DAB2: variants seen among roughly 807,000 people sequenced by gnomAD.
The protein encoded by DAB2 is DAB adaptor protein 2, also known as disabled homolog 2.
DAB2 carries 28 observed loss-of-function variants against 71.6 expected under a neutral mutation model. That is an observed-to-expected ratio of 0.39 (90% CI 0.29 to 0.54). The LOEUF (loss-of-function observed/expected upper bound fraction) is 0.54. Among genes scored for constraint, DAB2 ranks in the 20% least tolerant of loss-of-function variants. DAB2 has a pLI of 0.68. For missense variants in DAB2, 867 were observed against 928.8 expected, an observed-to-expected ratio of 0.93 and a Z score of 0.86; for synonymous variants, 345 against 339.7, an observed-to-expected ratio of 1.02 and a Z score of -0.17.
intron 1 of DAB2, among the ~76,000 whole-genome samples, chr5:39,404,251 G>A (rs540129644): frequency 2.7e-4 from 29 of 108,934 alleles, no homozygotes; most frequent in African/African-American, 9.6e-4. Context: ...TTGTGGGGTG[G>A]GGGGAGGGGG....
Position 39,376,876 on chromosome 5 carries a change from G to T in DAB2, c.1911C>A (p.Phe637Leu). 1.2e-6 allele frequency: 2 copies of T among 1,614,192 alleles called. No homozygotes were observed. The highest frequency in any genetic ancestry group is 8.5e-7 in the Non-Finnish European group (1 of 1,180,034). ...TATCCCCAAGTGGGTCTAAGGCAGT[G>T]AAGGCATCACTGGAGATGTCCTTGG... Reference protein sequence around the residue: ...GPPKDISSDAFTALDPLGDKE... With the variant: ...GPPKDISSDALTALDPLGDKE... The change falls in exon 12 of 15, where the codon TTC (phenylalanine) becomes TTA (leucine). Residue 637 changes from phenylalanine to leucine, a missense_variant. Phe to Leu is a conservative substitution (Grantham distance 22, BLOSUM62 0). Transcript: ENST00000320816.
intron 10 of DAB2, among the ~76,000 whole-genome samples, chr5:39,382,137 T>C (rs909280078): frequency 1.3e-5 from 2 of 152,174 alleles, no homozygotes; most frequent in African/African-American, 2.4e-5. Context: ...AGTAAATACA[T>C]AAGCTTAGAA....
Position 39,376,089 on chromosome 5 carries a change from G to A in DAB2, c.2155C>T (p.Pro719Ser). ...NKINEPPKPA[P>S]RQVSLPVTKS... The stretch of plus-strand genomic sequence containing the variant: ...GTAACTGGCAGGGAAACTTGTCTGG[G>A]AGCTGGCTTTGGTGGTTCTAGAAGG... Residue 719 changes from proline to serine, a missense_variant, in exon 13 of 15, where the codon CCC (proline) becomes TCC (serine). By Grantham distance (74) the Pro-to-Ser change is moderately conservative (BLOSUM62 -1). Transcript: ENST00000320816. The A allele has an allele frequency of 2.5e-6, 4 of 1,613,948 alleles. No homozygotes were observed. The highest frequency in any genetic ancestry group is 3.4e-6 in the Non-Finnish European group (4 of 1,179,910).
At chr5:39,392,782 G>A (rs1755266246) in intron 3 of DAB2, among the ~76,000 whole-genome samples, 2 of 152,166 alleles carry the variant, frequency 1.3e-5, no homozygotes, top group Non-Finnish European at 2.9e-5. Flanking sequence ...TATTTATTCA[G>A]TCAGTTTCAC....
intron 14 of DAB2, 167 bp downstream of exon 14, chr5:39,374,847 G>A (rs1367155301): frequency 2.8e-5 from 17 of 610,952 alleles, no homozygotes; most frequent in Non-Finnish European, 3.2e-5. Context: ...TAAGTGCCCA[G>A]CCTAGTCATT....
chr5:39,411,019 C>T (rs1018989717), intron 1 of DAB2, among the ~76,000 whole-genome samples: 2 of 152,062 alleles, frequency 1.3e-5, no homozygotes, highest in African/African-American at 4.8e-5. Flanking sequence ...CCAGAGTAAG[C>T]AGATGGGATA....
At chr5:39,414,545 G>C (rs568984338) in intron 1 of DAB2, among the ~76,000 whole-genome samples, 11 of 152,076 alleles carry the variant, frequency 7.2e-5, no homozygotes, top group South Asian at 4.1e-4. Context: ...ACAGATATAT[G>C]AGCAATGATG....
Position 39,422,989 on chromosome 5 carries a change from C to A in DAB2, c.-102+1815G>T, listed in dbSNP as rs1292477096. ...CTTACATCCTCAGGTAAAGATCAAC[C>A]ATCAAGATCAAAGATCCCCAGAATG... On this transcript the variant is annotated intron_variant, in intron 1 of 14. Transcript: ENST00000320816. This position sits in a 1 kb window ranked among gnomAD's most constrained non-coding sequence, Gnocchi z 4.1. Among the ~76,000 whole-genome samples, 2 of 152,118 alleles carry A rather than the reference C, an allele frequency of 1.3e-5. No individual in the cohort carries two copies. Among genetic ancestry groups the A allele is most frequent in the African/African-American group, 4.8e-5 (2 of 41,416 alleles).
In DAB2 at chr5:39,382,627, C is replaced by T. The variant is rs771297712; in HGVS notation, c.1332G>A (p.Arg444=). ...PQSTKPGRGR[R]TAKSSANDLL... is the part of the protein sequence containing the mutation. The stretch of plus-strand genomic sequence containing the variant: ...GGAGAAGACAATTCACCTTAGCAGT[C>T]CTTCTGCCTCTTCCTGGTTTGGTAC... The change falls in exon 10 of 15, where the codon AGG becomes AGA. Residue 444 remains arginine (R), a synonymous_variant. Transcript: ENST00000320816. 5 of 1,612,922 alleles carry T rather than the reference C, an allele frequency of 3.1e-6. No homozygotes were observed. In the Admixed American group the frequency reaches 5.0e-5, roughly 16 times the overall value.
intron 10 of DAB2, 120 bp downstream of exon 10, chr5:39,382,498 C>T (rs1036175742): frequency 2.7e-6 from 3 of 1,127,798 alleles, no homozygotes; most frequent in Non-Finnish European, 3.8e-6. Flanking sequence ...CCTTATCCCA[C>T]CTTCTATTTC....
chr5:39,395,391 T>TATACCGTGC (rs1391385491), intron 1 of DAB2, among the ~76,000 whole-genome samples: 1 of 152,178 alleles, frequency 6.6e-6, no homozygotes, highest in African/African-American at 2.4e-5. Context: ...ACAAAAGCCC[T>TATACCGTGC]CTTCATTCCG....
chr5:39,373,208 A>G lies in DAB2; in HGVS notation c.*223T>C, dbSNP rs1345979305. 1 of 152,350 alleles carries G rather than the reference A, an allele frequency of 6.6e-6. No homozygotes were observed. The highest frequency in any genetic ancestry group is 2.4e-5 in the African/African-American group (1 of 41,372). 9.4% of individuals were successfully genotyped at this position (152,350 alleles called of 1,614,324 possible). ...TTACACTTAAGCTAGAGAGTTTAGG[A>G]TCTTAATTTATTTAAAGCCATAGAT... On this transcript the variant is annotated 3_prime_UTR_variant, in exon 15 of 15. Transcript: ENST00000320816.
At chr5:39,417,091 G>T (rs1189993016) in intron 1 of DAB2, 1 of 151,926 alleles carries the variant, frequency 6.6e-6, no homozygotes, top group African/African-American at 2.4e-5. Context: ...TTTGTAAGTG[G>T]GAGTTGAATA....
chr5:39,396,750 G>A (rs2548189), intron 1 of DAB2, among the ~76,000 whole-genome samples: 1 of 152,238 alleles, frequency 6.6e-6, no homozygotes, highest in East Asian at 1.9e-4. Context: ...TGGGGTCTTT[G>A]CAGCTTCCCA....
Position 39,401,524 on chromosome 5 carries a change from T to A in DAB2, c.-101-7103A>T, listed in dbSNP as rs184678809. 2.7e-3 allele frequency among the ~76,000 whole-genome samples: 417 copies of A among 152,280 alleles called. 5 individuals carry two copies. The highest frequency in any genetic ancestry group is 9.5e-3 in the African/African-American group (393 of 41,562). Reference sequence around the variant, plus strand: ...GTGAGTCCCACCCACCCAGGATTCATCATTTCCTGGCTCTGTGGCTTGAGA... The same window carrying A: ...GTGAGTCCCACCCACCCAGGATTCAACATTTCCTGGCTCTGTGGCTTGAGA... On this transcript the variant is annotated intron_variant, in intron 1 of 14. Transcript: ENST00000320816.
chr5:39,421,112 T>G (rs1354307375), intron 1 of DAB2, among the ~76,000 whole-genome samples: 1 of 152,102 alleles, frequency 6.6e-6, no homozygotes, highest in Non-Finnish European at 1.5e-5. Context: ...CAAACCAAAG[T>G]GCAGGCTTCC....
intron 9 of DAB2, among the ~76,000 whole-genome samples, chr5:39,385,990 T>C (rs1755091324): frequency 6.6e-6 from 1 of 152,200 alleles, no homozygotes; most frequent in South Asian, 2.1e-4. Context: ...TGTTATCTTA[T>C]GGCATGTACA....
chr5:39,399,667 A>G (rs1392244508), intron 1 of DAB2, among the ~76,000 whole-genome samples: 1 of 152,188 alleles, frequency 6.6e-6, no homozygotes, highest in East Asian at 1.9e-4. Flanking sequence ...AGCTTGCAAC[A>G]TCTCTCCTGG....
intron 1 of DAB2, among the ~76,000 whole-genome samples, chr5:39,403,545 C>T (rs541885112): frequency 6.6e-6 from 1 of 152,196 alleles, no homozygotes; most frequent in South Asian, 2.1e-4. Context: ...TATACATTGT[C>T]ACTAGATTCC....
Sources: gnomAD v4.1 joint callset for allele counts (sites outside exome capture counted in the v4.1 genomes callset) on GRCh38, gnomAD v4.1.1 for gene constraint, Gnocchi (gnomAD v3.1) non-coding constraint, MANE v1.5 for transcripts, NCBI Gene and HGNC (gene_info 2026-07-23, HGNC 2026-07-21) for gene names.